CACNA1C: variants seen among roughly 807,000 people sequenced by gnomAD.
CACNA1C encodes the protein calcium voltage-gated channel subunit alpha1 C.
CACNA1C carries 30 observed loss-of-function variants against 229.0 expected under a neutral mutation model. The observed-to-expected ratio is 0.13, with a 90% CI of 0.10 to 0.18. The LOEUF (loss-of-function observed/expected upper bound fraction) is 0.18. CACNA1C is among the 10% of genes least tolerant of loss of function. The pLI, the probability that CACNA1C is intolerant of heterozygous loss-of-function variation, is 1.00. For synonymous variants in CACNA1C, 1,114 were observed against 1,132.5 expected (o/e 0.98, Z 0.33); for missense variants, 1,658 against 2,845.0 (o/e 0.58, Z 9.49).
At chr12:2,290,924 C>T (rs1371510763) in intron 3 of CACNA1C, among the ~76,000 whole-genome samples, 1 of 152,188 alleles carries the variant, frequency 6.6e-6, no homozygotes, top group Non-Finnish European at 1.5e-5. Flanking sequence ...TCTGTGGCTT[C>T]CTCAAATGTA....
In CACNA1C at chr12:2,426,634, A is replaced by G. The variant is rs372487456; in HGVS notation, c.478-22342A>G. On this transcript the variant is annotated intron_variant, in intron 3 of 46. Transcript: ENST00000399655. ...AAACAACCACCATTTATTAACTTACATTTCTGCAGGTTGGTAATCTGGATT... is the reference window on the plus strand; with the variant it reads ...AAACAACCACCATTTATTAACTTACGTTTCTGCAGGTTGGTAATCTGGATT... Among the ~76,000 whole-genome samples, 8 of 152,302 alleles carry G rather than the reference A, an allele frequency of 5.3e-5. No homozygotes were observed. The East Asian group carries it at 1.4e-3, about 26-fold the overall frequency.
At chr12:2,000,328 G>C (rs1282334635) in intron 1 of CACNA1C, among the ~76,000 whole-genome samples, 1 of 152,076 alleles carries the variant, frequency 6.6e-6, no homozygotes, top group Non-Finnish European at 1.5e-5. Context: ...ACACTCTCCT[G>C]GTCTTCCAGT....
chr12:2,344,471 A>G (rs1309186432), intron 3 of CACNA1C, among the ~76,000 whole-genome samples: 1 of 152,110 alleles, frequency 6.6e-6, no homozygotes, highest in African/African-American at 2.4e-5. Flanking sequence ...TATTAGGGGC[A>G]TTTGCATTAC....
In CACNA1C at chr12:2,219,662, A is replaced by T. The variant is rs112097543; in HGVS notation, c.477+99232A>T. Among the ~76,000 whole-genome samples the T allele has an allele frequency of 1.7e-3, 260 of 152,280 alleles. 4 individuals are homozygous for T. The highest frequency in any genetic ancestry group is 0.014 in the Middle Eastern group (4 of 294). ...ACCTGTGAGGCTTTATTCCTTGGTG[A>T]TGATGTGAATTAGAGAGAAAAGCTA... On this transcript the variant is annotated intron_variant, in intron 3 of 46. Coordinates refer to ENST00000399655, the MANE Select transcript of CACNA1C (RefSeq NM_000719.7).
chr12:2,014,927 C>T (rs967808599), intron 1 of CACNA1C, among the ~76,000 whole-genome samples: 1 of 152,208 alleles, frequency 6.6e-6, no homozygotes, highest in Non-Finnish European at 1.5e-5. Context: ...TGGGAGCAAT[C>T]CCTTCCTGCT....
At chr12:2,188,296 T>C (rs2097106068) in intron 3 of CACNA1C, among the ~76,000 whole-genome samples, 1 of 152,248 alleles carries the variant, frequency 6.6e-6, no homozygotes, top group Non-Finnish European at 1.5e-5. Flanking sequence ...TTTTTTATAA[T>C]GTTGAGTTTT....
intron 3 of CACNA1C, among the ~76,000 whole-genome samples, chr12:2,151,959 GCAGCCGGTGGATGACTTACAGT>G (rs2095298320): frequency 1.3e-5 from 2 of 152,226 alleles, no homozygotes; most frequent in Admixed American, 1.3e-4. Context: ...CGAGGGTGTG[GCAGCCGGTGGATGACTTACAGT>G]CAGCCTATCT....
chr12:2,324,392 C>T (rs929135587), intron 3 of CACNA1C, among the ~76,000 whole-genome samples: 1 of 152,246 alleles, frequency 6.6e-6, no homozygotes, highest in African/African-American at 2.4e-5. Context: ...AAGCCGCGCC[C>T]TTGCTGCCCG....
At chr12:2,023,725 A>G (rs1490740094) in intron 1 of CACNA1C, among the ~76,000 whole-genome samples, 4 of 152,222 alleles carry the variant, frequency 2.6e-5, no homozygotes, top group African/African-American at 7.2e-5. Context: ...CAGTTTGACA[A>G]AAATGTGCCT....
At chr12:2,331,998 G>C (rs1455411270) in intron 3 of CACNA1C, among the ~76,000 whole-genome samples, 1 of 152,172 alleles carries the variant, frequency 6.6e-6, no homozygotes, top group Non-Finnish European at 1.5e-5. Flanking sequence ...AGGGCATGGG[G>C]TGAAATTTAA....
At chr12:2,049,366 A>T (rs1379902797), upstream of CACNA1C, 1 of 152,248 alleles carries the variant, frequency 6.6e-6, no homozygotes, top group Non-Finnish European at 1.5e-5. Context: ...TGAGGCACTT[A>T]GAATAATCTC....
intron 13 of CACNA1C, among the ~76,000 whole-genome samples, chr12:2,578,111 G>C (rs545337512): frequency 6.6e-6 from 1 of 151,960 alleles, no homozygotes; most frequent in African/African-American, 2.4e-5. Flanking sequence ...CTCGTGATCC[G>C]CCCGCCTCGG....
chr12:2,095,187 G>C (rs2073306244), intron 1 of CACNA1C, among the ~76,000 whole-genome samples: 1 of 152,140 alleles, frequency 6.6e-6, no homozygotes, highest in South Asian at 2.1e-4. Flanking sequence ...TTGCAGTCCT[G>C]TCCCCATAAA....
At chr12:2,005,521 G>T (rs2043245394) in intron 1 of CACNA1C, among the ~76,000 whole-genome samples, 1 of 152,186 alleles carries the variant, frequency 6.6e-6, no homozygotes, top group African/African-American at 2.4e-5. Flanking sequence ...AATTACTGCT[G>T]CCAATGATAA....
intron 1 of CACNA1C, among the ~76,000 whole-genome samples, chr12:2,030,698 C>T (rs1295049324): frequency 6.6e-6 from 1 of 152,218 alleles, no homozygotes; most frequent in Non-Finnish European, 1.5e-5. Flanking sequence ...GCACAGGCCA[C>T]AGCAGGGCAG....
intron 30 of CACNA1C, among the ~76,000 whole-genome samples, chr12:2,645,431 G>A (rs970446726): frequency 2.6e-5 from 4 of 152,238 alleles, no homozygotes; most frequent in African/African-American, 9.6e-5. Flanking sequence ...CTGATGCTTT[G>A]TAGTTTCTCA....
chr12:2,177,614 TTCCTTCCTTCCTTC>T (rs1444204811), intron 3 of CACNA1C, among the ~76,000 whole-genome samples: 1 of 109,214 alleles, frequency 9.2e-6, no homozygotes, highest in African/African-American at 3.6e-5. Context: ...CCTTCCTTCC[TTCCTTCCTTCCTTC>T]TCTCTCTCTT....
At chr12:2,402,145 T>C (rs733782) in intron 3 of CACNA1C, among the ~76,000 whole-genome samples, 1 of 152,216 alleles carries the variant, frequency 6.6e-6, no homozygotes, top group Non-Finnish European at 1.5e-5. Context: ...AAACTTTGAT[T>C]TGTAGTCTGG....
intron 11 of CACNA1C, among the ~76,000 whole-genome samples, chr12:2,559,055 G>A (rs1322636702): frequency 6.6e-6 from 1 of 152,204 alleles, no homozygotes; most frequent in East Asian, 1.9e-4. Context: ...TGCTGGGTGA[G>A]TGAGTAATTA....
Sources: gnomAD v4.1 joint callset for allele counts (sites outside exome capture counted in the v4.1 genomes callset) on GRCh38, gnomAD v4.1.1 for gene constraint, MANE v1.5 for transcripts, NCBI Gene and HGNC (gene_info 2026-07-23, HGNC 2026-07-21) for gene names.